The following MSH3 variants were observed in gnomAD, a reference collection of about 807,000 sequenced individuals.
MSH3 encodes mutS homolog 3.
A neutral mutation model predicts 123.3 loss-of-function variants in MSH3; 106 were observed. That is an observed-to-expected ratio of 0.86 (90% CI 0.73 to 1.01). The LOEUF is 1.01. Ranked by LOEUF, MSH3 falls within the 50% of genes least tolerant of loss-of-function variation. MSH3 has a pLI of 0.00. For synonymous variants in MSH3, 515 were observed against 481.4 expected (o/e 1.07, Z -0.91); for missense variants, 1,459 against 1,347.6 (o/e 1.08, Z -1.29).
At position 80,654,940 on chromosome 5, in the gene MSH3, C is replaced by CCCGCCCCAGCTG; in HGVS notation, c.219_230dup (p.Gln74_Pro77dup). 1.4e-6 allele frequency: 2 copies of CCCGCCCCAGCTG among 1,473,242 alleles called. No individual in the cohort carries two copies. The highest frequency in any genetic ancestry group is 1.8e-6 in the Non-Finnish European group (2 of 1,115,906). The allele number at this position is 1,473,242 out of a possible 1,614,324, so 91.3% of individuals were successfully genotyped here. On this transcript the variant is annotated inframe_insertion, in exon 1 of 24. Coordinates refer to ENST00000265081, the MANE Select transcript of MSH3 (RefSeq NM_002439.5). The stretch of plus-strand genomic sequence containing the variant: ...CCCCAGCGCCCCCAGCTCCCGCCTT[C>CCCGCCCCAGCTG]CCGCCCCAGCTGCCGCCGCACATAG...
rs567076167 is a variant in MSH3, at chr5:80,660,491, G to A, written c.358+3960G>A. On this transcript the variant is annotated intron_variant, in intron 2 of 23. Transcript: ENST00000265081. ...AAATTCAAGTTGATATTTGGGTCGG[G>A]GCACAGTCAAACTATATCACATTGG... Among the ~76,000 whole-genome samples, 7 of 152,064 alleles carry A rather than the reference G, an allele frequency of 4.6e-5. No individual in the cohort carries two copies. The South Asian group carries it at 1.0e-3, about 23-fold the overall frequency.
chr5:80,761,264 C>T (rs1310183706), intron 12 of MSH3, among the ~76,000 whole-genome samples: 5 of 152,186 alleles, frequency 3.3e-5, no homozygotes, highest in African/African-American at 1.2e-4. Flanking sequence ...GCCTCACAGA[C>T]TGTAATCCCA....
chr5:80,725,636 T>C, intron 9 of MSH3, 71 bp downstream of exon 9: 1 of 1,001,220 alleles, frequency 1.0e-6, no homozygotes, highest in Non-Finnish European at 1.6e-6. Flanking sequence ...AGTATGATTC[T>C]CAATTTAATG....
chr5:80,682,340 A>C (rs764764241), intron 8 of MSH3, among the ~76,000 whole-genome samples: 1 of 152,184 alleles, frequency 6.6e-6, no homozygotes, highest in Admixed American at 6.5e-5. Flanking sequence ...TGAGGATTAA[A>C]TAAGTTAATA....
In MSH3 at chr5:80,804,658, A is replaced by G. The variant is rs1010548709; in HGVS notation, c.2656-8926A>G. Among the ~76,000 whole-genome samples the G allele has an allele frequency of 3.3e-5, 5 of 152,174 alleles. No individual in the cohort carries two copies. In the South Asian group the frequency reaches 8.3e-4, roughly 25 times the overall value. On this transcript the variant is annotated intron_variant, in intron 19 of 23. Coordinates refer to ENST00000265081, the MANE Select transcript of MSH3 (RefSeq NM_002439.5). ...GGAGCCTGTCTCTGCTGAGCCACCT[A>G]GAGCTGAGGGAGGGGTGACTCAAGC...
intron 20 of MSH3, among the ~76,000 whole-genome samples, chr5:80,851,906 G>A (rs548257112): frequency 6.6e-6 from 1 of 152,236 alleles, no homozygotes; most frequent in East Asian, 1.9e-4. Flanking sequence ...AAATATGTGT[G>A]TGTATCTGCC....
At chr5:80,759,882 T>C (rs905430004) in intron 12 of MSH3, among the ~76,000 whole-genome samples, 1 of 152,172 alleles carries the variant, frequency 6.6e-6, no homozygotes, top group Non-Finnish European at 1.5e-5. Flanking sequence ...CTTGCTCTCC[T>C]GCATCGTACT....
intron 7 of MSH3, among the ~76,000 whole-genome samples, chr5:80,675,467 G>T (rs1749820553): frequency 6.6e-6 from 1 of 152,114 alleles, no homozygotes; most frequent in Admixed American, 6.5e-5. Context: ...ATGGCGAAAG[G>T]CGAAGGGGAA....
At position 80,825,531 on chromosome 5, in the gene MSH3, A is replaced by G. The variant is rs72765592; in HGVS notation, c.2813+11790A>G. 5.6e-3 allele frequency among the ~76,000 whole-genome samples: 851 copies of G among 152,296 alleles called. 6 individuals carry two copies. Among genetic ancestry groups the G allele is most frequent in the Non-Finnish European group, 9.7e-3 (657 of 68,028 alleles). On this transcript the variant is annotated intron_variant, in intron 20 of 23. Coordinates refer to ENST00000265081, the MANE Select transcript of MSH3 (RefSeq NM_002439.5). ...GATATGATGCCAATTTTTTGCAAAT[A>G]TAAACAGTCATATTTGTGACTTGTC...
intron 8 of MSH3, among the ~76,000 whole-genome samples, chr5:80,710,350 T>C (rs1299568686): frequency 6.6e-6 from 1 of 152,210 alleles, no homozygotes; most frequent in Non-Finnish European, 1.5e-5. Context: ...GGAGCAGCTA[T>C]TCCCTTCCTT....
chr5:80,689,112 A>G (rs757760779), intron 8 of MSH3, among the ~76,000 whole-genome samples: 1 of 152,216 alleles, frequency 6.6e-6, no homozygotes, highest in Admixed American at 6.5e-5. Context: ...AATTGGGAAC[A>G]TCGAGTTGAC....
At chr5:80,823,685 TTTTTGTTTTG>T (rs1216499151) in intron 20 of MSH3, among the ~76,000 whole-genome samples, 22 of 152,330 alleles carry the variant, frequency 1.4e-4, no homozygotes, top group African/African-American at 3.1e-4. Flanking sequence ...CAGAAATCTT[TTTTTGTTTTG>T]TTTTGTTTTG....
At chr5:80,742,481 C>A (rs1033034047) in intron 11 of MSH3, among the ~76,000 whole-genome samples, 1 of 152,188 alleles carries the variant, frequency 6.6e-6, no homozygotes, top group South Asian at 2.1e-4. Flanking sequence ...AGCAACCCCA[C>A]GTCATTTGAT....
chr5:80,820,686 C>G (rs999249648), intron 20 of MSH3, among the ~76,000 whole-genome samples: 3 of 152,168 alleles, frequency 2.0e-5, no homozygotes, highest in Non-Finnish European at 4.4e-5. Context: ...TGGAGCTTAA[C>G]TAAGTTTTGC....
intron 20 of MSH3, among the ~76,000 whole-genome samples, chr5:80,839,630 G>A (rs1745581728): frequency 6.6e-6 from 1 of 152,074 alleles, no homozygotes; most frequent in South Asian, 2.1e-4. Context: ...TGTTTGCTAG[G>A]TGCTTGGGGG....
chr5:80,824,096 T>C (rs1745248215), intron 20 of MSH3, among the ~76,000 whole-genome samples: 1 of 152,218 alleles, frequency 6.6e-6, no homozygotes, highest in Non-Finnish European at 1.5e-5. Flanking sequence ...GTCTACTTCT[T>C]TCTACACAGA....
intron 20 of MSH3, among the ~76,000 whole-genome samples, chr5:80,852,893 T>C (rs1425013572): frequency 6.6e-6 from 1 of 152,206 alleles, no homozygotes; most frequent in Non-Finnish European, 1.5e-5. Context: ...TGAACTATTG[T>C]AGCAAAACTA....
intron 20 of MSH3, among the ~76,000 whole-genome samples, chr5:80,814,027 A>C (rs1419556089): frequency 6.6e-6 from 1 of 151,306 alleles, no homozygotes; most frequent in Non-Finnish European, 1.5e-5. Flanking sequence ...CAGGAACCTG[A>C]GGTGGGAGGA....
intron 10 of MSH3, among the ~76,000 whole-genome samples, chr5:80,733,778 C>T (rs1348092105): frequency 3.3e-5 from 5 of 151,984 alleles, no homozygotes; most frequent in Non-Finnish European, 1.5e-5. Context: ...TTAGATAACA[C>T]TTCATACTCA....
Sources: allele counts gnomAD v4.1 joint callset (sites outside exome capture counted in the v4.1 genomes callset), GRCh38; gene constraint gnomAD v4.1.1; transcripts MANE v1.5; gene names NCBI Gene and HGNC (gene_info 2026-07-23, HGNC 2026-07-21).